Variants in STX8 observed in about 807,000 individuals in gnomAD.
STX8 encodes the protein syntaxin-8.
STX8 carries 23 observed loss-of-function variants against 37.5 expected under a neutral mutation model. That is an observed-to-expected ratio of 0.61 (90% CI 0.44 to 0.87). The LOEUF is 0.87. Among genes scored for constraint, STX8 ranks in the 40% least tolerant of loss-of-function variants. The pLI is 0.00. For missense variants in STX8, 313 were observed against 284.7 expected, an observed-to-expected ratio of 1.10 and a Z score of -0.71; for synonymous variants, 115 against 99.1, an observed-to-expected ratio of 1.16 and a Z score of -0.95.
At chr17:9,332,352 G>A (rs181778509) in intron 7 of STX8, among the ~76,000 whole-genome samples, 61 of 152,260 alleles carry the variant, frequency 4.0e-4, no homozygotes, top group African/African-American at 1.5e-3. Flanking sequence ...TGAACAATGC[G>A]GACGGAGTTA....
intron 7 of STX8, among the ~76,000 whole-genome samples, chr17:9,268,778 T>C (rs7215786): frequency 0.14 from 21,540 of 152,150 alleles, 1,727 homozygotes; most frequent in African/African-American, 0.21. Flanking sequence ...TTCAACAATG[T>C]CACTACTGAG....
chr17:9,454,857 G>A (rs959704578), intron 6 of STX8, among the ~76,000 whole-genome samples: 18 of 151,966 alleles, frequency 1.2e-4, no homozygotes, highest in African/African-American at 4.4e-4. Context: ...CATCCTCTTT[G>A]GAGACAAAAA....
intron 2 of STX8, among the ~76,000 whole-genome samples, chr17:9,567,963 G>T (rs1907527334): frequency 6.6e-6 from 1 of 152,164 alleles, no homozygotes; most frequent in Non-Finnish European, 1.5e-5. Context: ...TGGGATTACA[G>T]GTGTGAGCCA....
chr17:9,540,338 A>G (rs1226591657), intron 4 of STX8, among the ~76,000 whole-genome samples: 2 of 152,168 alleles, frequency 1.3e-5, no homozygotes, highest in Non-Finnish European at 2.9e-5. Flanking sequence ...ACTTTTCTAC[A>G]TAGCTTATGA....
At chr17:9,508,537 C>T (rs754207130) in intron 4 of STX8, among the ~76,000 whole-genome samples, 1 of 152,288 alleles carries the variant, frequency 6.6e-6, no homozygotes, top group East Asian at 1.9e-4. Flanking sequence ...CCATGTTAGC[C>T]AGGTTGGTAT....
At chr17:9,387,768 T>G (rs1912069263) in intron 6 of STX8, among the ~76,000 whole-genome samples, 1 of 152,206 alleles carries the variant, frequency 6.6e-6, no homozygotes, top group East Asian at 1.9e-4. Context: ...AATACAAAAT[T>G]CAGGGCTAAT....
intron 2 of STX8, among the ~76,000 whole-genome samples, chr17:9,565,773 TG>T: frequency 1.3e-5 from 2 of 152,212 alleles, no homozygotes; most frequent in East Asian, 3.9e-4. Context: ...AGATAGAAAT[TG>T]AACTCCTTCC....
At chr17:9,567,565 T>G (rs564481648) in intron 2 of STX8, among the ~76,000 whole-genome samples, 1 of 152,250 alleles carries the variant, frequency 6.6e-6, no homozygotes, top group African/African-American at 2.4e-5. Flanking sequence ...GGTGTTAGAT[T>G]TGAATCAGAG....
intron 7 of STX8, among the ~76,000 whole-genome samples, chr17:9,314,353 C>T (rs1200248456): frequency 1.3e-5 from 2 of 152,046 alleles, no homozygotes; most frequent in African/African-American, 4.8e-5. Context: ...TACAGACTTC[C>T]CATTAGATCA....
intron 7 of STX8, among the ~76,000 whole-genome samples, chr17:9,276,935 C>T (rs1339850489): frequency 6.6e-6 from 1 of 150,436 alleles, no homozygotes; most frequent in African/African-American, 2.5e-5. Flanking sequence ...TGCACTCAGC[C>T]ACCTTTTCTT....
At chr17:9,433,391 G>A (rs912939112) in intron 6 of STX8, among the ~76,000 whole-genome samples, 1 of 152,154 alleles carries the variant, frequency 6.6e-6, no homozygotes, top group African/African-American at 2.4e-5. Flanking sequence ...TTAGTGGTTT[G>A]GGATGAAATC....
chr17:9,461,560 CT>C (rs1905390017), intron 6 of STX8, among the ~76,000 whole-genome samples: 1 of 152,048 alleles, frequency 6.6e-6, no homozygotes, highest in African/African-American at 2.4e-5. Flanking sequence ...TCAGGCTCAG[CT>C]GCCAGGAGAA....
chr17:9,416,517 T>A (rs577666896), intron 6 of STX8, among the ~76,000 whole-genome samples: 1 of 152,054 alleles, frequency 6.6e-6, no homozygotes, highest in Non-Finnish European at 1.5e-5. Flanking sequence ...TACAGGCACA[T>A]GCCACCACGC....
intron 6 of STX8, among the ~76,000 whole-genome samples, chr17:9,423,851 G>A (rs1462969347): frequency 6.6e-6 from 1 of 152,070 alleles, no homozygotes; most frequent in Non-Finnish European, 1.5e-5. Flanking sequence ...TATCAGTCAC[G>A]GGCTGAGTTG....
At chr17:9,272,675 A>T (rs769366609) in intron 7 of STX8, among the ~76,000 whole-genome samples, 48 of 152,334 alleles carry the variant, frequency 3.2e-4, no homozygotes, top group Middle Eastern at 3.4e-3. Flanking sequence ...TGGGTGAGGA[A>T]ATGAGACAGA....
intron 4 of STX8, among the ~76,000 whole-genome samples, chr17:9,508,604 C>T (rs1238101912): frequency 2.0e-5 from 3 of 152,200 alleles, no homozygotes; most frequent in Non-Finnish European, 4.4e-5. Flanking sequence ...GCCAGGATTA[C>T]AGGTGTGAGC....
At chr17:9,553,352 G>C (rs1353936906) in intron 3 of STX8, 1 of 152,148 alleles carries the variant, frequency 6.6e-6, no homozygotes, top group Non-Finnish European at 1.5e-5. Context: ...ATTCTTGCCA[G>C]GAGAAAAATA....
At chr17:9,295,916 C>T (rs866125486) in intron 7 of STX8, among the ~76,000 whole-genome samples, 6 of 107,836 alleles carry the variant, frequency 5.6e-5, no homozygotes, top group African/African-American at 8.4e-5. Flanking sequence ...TGTGGCCAGG[C>T]GCAGTGGCTC....
chr17:9,338,791 G>A (rs1239756522), intron 7 of STX8, among the ~76,000 whole-genome samples: 1 of 152,150 alleles, frequency 6.6e-6, no homozygotes, highest in Admixed American at 6.6e-5. Context: ...AAACATTCCA[G>A]TCAGATGACG....
Sources: gnomAD v4.1 joint callset for allele counts (sites outside exome capture counted in the v4.1 genomes callset) on GRCh38, gnomAD v4.1.1 for gene constraint, MANE v1.5 for transcripts, NCBI Gene and HGNC (gene_info 2026-07-23, HGNC 2026-07-21) for gene names.